The following HS6ST3 variants were observed in gnomAD, a reference collection of about 807,000 sequenced individuals.
HS6ST3 encodes the protein heparan-sulfate 6-O-sulfotransferase 3.
Under a neutral mutation model 36.7 loss-of-function variants are expected in HS6ST3, and 12 were observed. The ratio of observed to expected loss-of-function variants is 0.33; its 90% CI spans 0.21 to 0.53. The LOEUF (loss-of-function observed/expected upper bound fraction) is 0.53, where lower values mean the gene tolerates loss of function less well. HS6ST3 is among the 20% of genes least tolerant of loss of function. HS6ST3 has a pLI of 0.95. For missense variants in HS6ST3, 584 were observed against 640.9 expected (o/e 0.91, Z 0.96); for synonymous variants, 240 against 257.5 (o/e 0.93, Z 0.65).
intron 1 of HS6ST3, among the ~76,000 whole-genome samples, chr13:96,270,617 T>C (rs973959084): frequency 2.0e-5 from 3 of 151,706 alleles, no homozygotes; most frequent in Non-Finnish European, 1.5e-5. Context: ...GCTGAGGGTA[T>C]ATAAAGAGTT....
At chr13:96,190,242 A>G (rs1023502363) in intron 1 of HS6ST3, among the ~76,000 whole-genome samples, 3 of 152,182 alleles carry the variant, frequency 2.0e-5, no homozygotes, top group African/African-American at 7.2e-5. Context: ...GTACTGTTCT[A>G]GGTGCCAGCT....
At chr13:96,643,257 T>G (rs1449498793) in intron 1 of HS6ST3, among the ~76,000 whole-genome samples, 1 of 151,964 alleles carries the variant, frequency 6.6e-6, no homozygotes. Context: ...AGGGGAACAC[T>G]TTTAATACTC....
At chr13:96,758,391 A>C (rs528772032) in intron 1 of HS6ST3, among the ~76,000 whole-genome samples, 13 of 151,764 alleles carry the variant, frequency 8.6e-5, no homozygotes, top group Non-Finnish European at 1.6e-4. Flanking sequence ...ACTTAATTCC[A>C]TCTGTTGATC....
chr13:96,299,085 T>A (rs867704396), intron 1 of HS6ST3, among the ~76,000 whole-genome samples: 3 of 152,230 alleles, frequency 2.0e-5, no homozygotes, highest in African/African-American at 7.2e-5. Flanking sequence ...TTCTTTGGGC[T>A]ATTTCTCATG....
At chr13:96,284,360 C>A (rs2054790171) in intron 1 of HS6ST3, among the ~76,000 whole-genome samples, 1 of 152,170 alleles carries the variant, frequency 6.6e-6, no homozygotes, top group Admixed American at 6.5e-5. Flanking sequence ...AGTAGGGAAG[C>A]CGACAATGCA....
intron 1 of HS6ST3, among the ~76,000 whole-genome samples, chr13:96,433,343 T>G (rs2055625650): frequency 6.6e-6 from 1 of 152,118 alleles, no homozygotes; most frequent in Admixed American, 6.5e-5. Context: ...ATTGATATGG[T>G]TTGGCTGTGT....
Position 96,391,738 on chromosome 13 carries a change from A to C in HS6ST3, c.707+300169A>C, listed in dbSNP as rs188123104. On this transcript the variant is annotated intron_variant, in intron 1 of 1. Coordinates refer to ENST00000376705, the MANE Select transcript of HS6ST3 (RefSeq NM_153456.4). The stretch of plus-strand genomic sequence containing the variant: ...AAACTCCCGTTTTTAAAACCATCAG[A>C]TCTTGTGAAACCCACACACTATCAC... Among the ~76,000 whole-genome samples the C allele has an allele frequency of 4.7e-4, 71 of 152,256 alleles. No homozygotes were observed. In the East Asian group the frequency reaches 0.011, roughly 24 times the overall value.
intron 1 of HS6ST3, among the ~76,000 whole-genome samples, chr13:96,157,892 C>T (rs954709851): frequency 3.3e-5 from 5 of 152,100 alleles, no homozygotes; most frequent in African/African-American, 1.2e-4. Flanking sequence ...TGAGCTAGGA[C>T]ACAGGGAGGA....
intron 1 of HS6ST3, among the ~76,000 whole-genome samples, chr13:96,345,666 T>C (rs983025853): frequency 6.6e-6 from 1 of 152,112 alleles, no homozygotes; most frequent in African/African-American, 2.4e-5. Flanking sequence ...GAAGACAACT[T>C]TTCCACGGAT....
intron 1 of HS6ST3, among the ~76,000 whole-genome samples, chr13:96,765,564 C>G (rs1393493843): frequency 2.0e-5 from 3 of 150,892 alleles, no homozygotes; most frequent in Non-Finnish European, 4.4e-5. Context: ...TTTCTGTGAA[C>G]AGAGATGTAT....
chr13:96,464,237 T>C (rs1406638268), intron 1 of HS6ST3, among the ~76,000 whole-genome samples: 1 of 150,848 alleles, frequency 6.6e-6, no homozygotes, highest in Non-Finnish European at 1.5e-5. Flanking sequence ...GATTGCTTCC[T>C]TACCCCCCTA....
At chr13:96,583,725 T>C (rs1400414027) in intron 1 of HS6ST3, among the ~76,000 whole-genome samples, 1 of 152,172 alleles carries the variant, frequency 6.6e-6, no homozygotes, top group Non-Finnish European at 1.5e-5. Context: ...GAATGCTGTT[T>C]CTCCAAGATT....
At position 96,757,724 on chromosome 13, in the gene HS6ST3, G is replaced by T. The variant is rs141861121; in HGVS notation, c.708-74766G>T. Among the ~76,000 whole-genome samples the T allele has an allele frequency of 2.1e-3, 324 of 151,924 alleles. 11 individuals carry two copies. The East Asian group carries it at 0.053, about 25-fold the overall frequency. ...CATTTTTTCTTGCATTTATTGAGAT[G>T]CTCATGTAATTTTTCTCCTTTTTTT... On this transcript the variant is annotated intron_variant, in intron 1 of 1. Transcript: ENST00000376705.
At chr13:96,805,209 G>A (rs1428203749) in intron 1 of HS6ST3, among the ~76,000 whole-genome samples, 1 of 152,138 alleles carries the variant, frequency 6.6e-6, no homozygotes, top group African/African-American at 2.4e-5. Flanking sequence ...TGTGTCGGGG[G>A]AAGGGCCTGG....
chr13:96,608,025 G>A (rs2056445011), intron 1 of HS6ST3, among the ~76,000 whole-genome samples: 1 of 152,108 alleles, frequency 6.6e-6, no homozygotes, highest in African/African-American at 2.4e-5. Context: ...CATGTTAAAA[G>A]TTGCCAACTG....
chr13:96,330,387 A>G (rs1385393156), intron 1 of HS6ST3, among the ~76,000 whole-genome samples: 3 of 148,202 alleles, frequency 2.0e-5, no homozygotes, highest in East Asian at 2.0e-4. Flanking sequence ...GGTGGTGACA[A>G]AATCTCTCAG....
At chr13:96,635,735 G>A (rs1462878953) in intron 1 of HS6ST3, among the ~76,000 whole-genome samples, 1 of 152,150 alleles carries the variant, frequency 6.6e-6, no homozygotes, top group African/African-American at 2.4e-5. Flanking sequence ...GACAACAAAT[G>A]TTTCTTGACC....
intron 1 of HS6ST3, among the ~76,000 whole-genome samples, chr13:96,299,294 C>T (rs191999814): frequency 7.4e-4 from 113 of 152,302 alleles, no homozygotes; most frequent in Non-Finnish European, 1.1e-3. Context: ...TTTACTGCTT[C>T]GTTCCTGGCA....
At chr13:96,450,920 G>A (rs1238242684) in intron 1 of HS6ST3, among the ~76,000 whole-genome samples, 1 of 152,072 alleles carries the variant, frequency 6.6e-6, no homozygotes, top group Admixed American at 6.6e-5. Context: ...GTCCTAATGG[G>A]TGCCCTTCAA....
Sources: gnomAD v4.1 joint callset for allele counts (sites outside exome capture counted in the v4.1 genomes callset) on GRCh38, gnomAD v4.1.1 for gene constraint, MANE v1.5 for transcripts, NCBI Gene and HGNC (gene_info 2026-07-23, HGNC 2026-07-21) for gene names.